MTCL2: variants seen among roughly 807,000 people sequenced by gnomAD.
The protein encoded by MTCL2 is microtubule cross-linking factor 2.
chr20:36,825,008 C>T, the MTCL2 span, among the ~76,000 whole-genome samples: 2 of 148,026 alleles, frequency 1.4e-5, no homozygotes, highest in Admixed American at 6.8e-5. Flanking sequence ...GATGGGATGT[C>T]GGCTCACTGC....
the MTCL2 span, chr20:36,780,673 G>A: frequency 5.9e-5 from 9 of 152,240 alleles, no homozygotes; most frequent in African/African-American, 2.2e-4. Flanking sequence ...CAGTGTTGCA[G>A]TTGGTCCTCA....
At chr20:36,816,128 G>A in the MTCL2 span, 16 of 1,613,672 alleles carry the variant, frequency 9.9e-6, no homozygotes, top group African/African-American at 1.6e-4. Flanking sequence ...GCGAGTGGGG[G>A]GCATCGGCCA....
chr20:36,789,921 C>A, the MTCL2 span, among the ~76,000 whole-genome samples: 2 of 151,758 alleles, frequency 1.3e-5, no homozygotes, highest in African/African-American at 4.8e-5. Flanking sequence ...TCCAGCAATT[C>A]TCATGCCTCA....
the MTCL2 span, among the ~76,000 whole-genome samples, chr20:36,859,106 T>C: frequency 6.6e-5 from 10 of 152,120 alleles, no homozygotes; most frequent in Non-Finnish European, 1.5e-5. Flanking sequence ...ACCTTTATTA[T>C]ACAGATGAGA....
chr20:36,826,282 T>C, the MTCL2 span, among the ~76,000 whole-genome samples: 8 of 139,560 alleles, frequency 5.7e-5, no homozygotes, highest in South Asian at 2.4e-4. Context: ...GTGCTGGTCT[T>C]TTCTTTTCTG....
chr20:36,834,088 G>A, the MTCL2 span, among the ~76,000 whole-genome samples: 15 of 151,542 alleles, frequency 9.9e-5, no homozygotes, highest in South Asian at 2.1e-4. Context: ...GCTTGAACCC[G>A]GGAGGTGGAA....
chr20:36,784,371 G>C, the MTCL2 span: 9 of 985,770 alleles, frequency 9.1e-6, no homozygotes, highest in Non-Finnish European at 1.1e-5. Context: ...GCAGGGAAGG[G>C]AGATGCAGGA....
chr20:36,840,123 C>T, the MTCL2 span, among the ~76,000 whole-genome samples: 1 of 148,960 alleles, frequency 6.7e-6, no homozygotes, highest in Non-Finnish European at 1.5e-5. Flanking sequence ...CTTGGCCTCC[C>T]AAAGTGCTGG....
the MTCL2 span, among the ~76,000 whole-genome samples, chr20:36,786,814 G>A: frequency 1.3e-5 from 2 of 152,048 alleles, no homozygotes; most frequent in Non-Finnish European, 2.9e-5. Context: ...CCATTAGAGC[G>A]GTAATGGAAG....
At chr20:36,815,551 C>G in the MTCL2 span, 1 of 1,571,874 alleles carries the variant, frequency 6.4e-7, no homozygotes, top group Non-Finnish European at 8.6e-7. This position sits in a 1 kb window ranked among gnomAD's most constrained non-coding sequence, Gnocchi z 5.3. Context: ...CCCAGGGGAG[C>G]AGGCACACAC....
At chr20:36,843,058 C>T in the MTCL2 span, among the ~76,000 whole-genome samples, 1 of 152,162 alleles carries the variant, frequency 6.6e-6, no homozygotes, top group Non-Finnish European at 1.5e-5. Context: ...GGAGTGTCCA[C>T]TCTGCTCCCG....
At chr20:36,863,512 C>A in the MTCL2 span, 16 of 355,120 alleles carry the variant, frequency 4.5e-5, no homozygotes, top group Non-Finnish European at 6.8e-5. The surrounding 1 kb of genome is among the most constrained non-coding windows in gnomAD (Gnocchi z 6.2). Flanking sequence ...CGCGCGGTCT[C>A]TCCGCTGCTC....
chr20:36,805,197 G>A, the MTCL2 span, among the ~76,000 whole-genome samples: 7 of 152,162 alleles, frequency 4.6e-5, no homozygotes, highest in Non-Finnish European at 7.4e-5. Flanking sequence ...GCTCTGCAGC[G>A]TCTGTGCCGT....
the MTCL2 span, chr20:36,815,049 G>A: frequency 7.1e-7 from 1 of 1,400,870 alleles, no homozygotes; most frequent in East Asian, 2.3e-5. The surrounding 1 kb of genome is among the most constrained non-coding windows in gnomAD (Gnocchi z 5.3). Flanking sequence ...CCAGCGGGGA[G>A]AGACCCTATC....
At chr20:36,802,928 C>A in the MTCL2 span, 2 of 1,573,770 alleles carry the variant, frequency 1.3e-6, no homozygotes, top group East Asian at 2.3e-5. Context: ...GCCGCTCCAC[C>A]AGCTGCAGCT....
At chr20:36,815,800 G>A in the MTCL2 span, 16 of 1,592,572 alleles carry the variant, frequency 1.0e-5, no homozygotes, top group African/African-American at 1.3e-5. This position sits in a 1 kb window ranked among gnomAD's most constrained non-coding sequence, Gnocchi z 5.3. Flanking sequence ...TGCTCCGAGC[G>A]GAACTTGGCC....
the MTCL2 span, chr20:36,794,790 A>T: frequency 1.4e-6 from 1 of 698,746 alleles, no homozygotes. The surrounding 1 kb of genome is among the most constrained non-coding windows in gnomAD (Gnocchi z 5.4). Context: ...TTTTCTCCCA[A>T]ACAGGTCTTG....
At chr20:36,785,716 G>A in the MTCL2 span, 1 of 985,506 alleles carries the variant, frequency 1.0e-6, no homozygotes, top group Non-Finnish European at 1.2e-6. Flanking sequence ...CTGTCCTCAA[G>A]GGGTCTGCTG....
At chr20:36,791,496 A>C in the MTCL2 span, among the ~76,000 whole-genome samples, 2 of 152,208 alleles carry the variant, frequency 1.3e-5, no homozygotes, top group East Asian at 3.8e-4. Flanking sequence ...GAAAAGTAGA[A>C]TGTTTGAGTC....
Sources: gnomAD v4.1 joint callset for allele counts (sites outside exome capture counted in the v4.1 genomes callset) on GRCh38, gnomAD v4.1.1 for gene constraint, Gnocchi (gnomAD v3.1) non-coding constraint, MANE v1.5 for transcripts, NCBI Gene and HGNC (gene_info 2026-07-23, HGNC 2026-07-21) for gene names.